The following SAFB variants were observed in gnomAD, a reference collection of about 807,000 sequenced individuals.
SAFB encodes the protein scaffold attachment factor B.
Under a neutral mutation model 101.6 loss-of-function variants are expected in SAFB, and 15 were observed. That is an observed-to-expected ratio of 0.15 (90% CI 0.10 to 0.23). The LOEUF (loss-of-function observed/expected upper bound fraction) is 0.23, where lower values mean the gene tolerates loss of function less well. Ranked by LOEUF, SAFB falls within the 10% of genes least tolerant of loss-of-function variation. The pLI is 1.00. For synonymous variants in SAFB, 449 were observed against 407.5 expected (o/e 1.10, Z -1.23); for missense variants, 930 against 1,104.1 (o/e 0.84, Z 2.23).
intron 14 of SAFB, among the ~76,000 whole-genome samples, chr19:5,659,439 T>C (rs1461059827): frequency 2.0e-5 from 3 of 151,762 alleles, no homozygotes; most frequent in African/African-American, 4.8e-5. Context: ...TGGAGTACAG[T>C]GGCACGATCT....
At chr19:5,642,480 A>C (rs952445314) in intron 4 of SAFB, among the ~76,000 whole-genome samples, 4 of 151,386 alleles carry the variant, frequency 2.6e-5, no homozygotes, top group South Asian at 2.1e-4. Flanking sequence ...AAAAAAAAAA[A>C]CACAGCCAGT....
intron 6 of SAFB, chr19:5,648,425 C>A: frequency 3.6e-6 from 1 of 281,404 alleles, no homozygotes; most frequent in East Asian, 9.1e-5. Flanking sequence ...TTAATTGAGG[C>A]AGCTCAGGTA....
chr19:5,663,979 G>T (rs2054273018), intron 15 of SAFB, 43 bp from the exon 16 acceptor site: 1 of 1,599,052 alleles, frequency 6.3e-7, no homozygotes, highest in Admixed American at 1.7e-5. Flanking sequence ...AGATACATTT[G>T]GGGTGGGGGA....
At chr19:5,662,456 T>C (rs1400206744) in intron 15 of SAFB, among the ~76,000 whole-genome samples, 1 of 150,576 alleles carries the variant, frequency 6.6e-6, no homozygotes, top group African/African-American at 2.4e-5. Context: ...ATCGTGCCAC[T>C]GCACTCCAGC....
chr19:5,643,309 A>G (rs1403111148), intron 4 of SAFB, among the ~76,000 whole-genome samples: 2 of 152,076 alleles, frequency 1.3e-5, no homozygotes, highest in African/African-American at 4.8e-5. Context: ...GTGCTTCTCA[A>G]GCAGTCTTGG....
At chr19:5,628,368 C>T (rs188900919) in intron 2 of SAFB, among the ~76,000 whole-genome samples, 6 of 152,204 alleles carry the variant, frequency 3.9e-5, no homozygotes, top group East Asian at 3.9e-4. Flanking sequence ...GGATTTTGTG[C>T]GGTATTTTCG....
chr19:5,667,326 C>A lies in SAFB; in HGVS notation c.2454-21C>A. The A allele has an allele frequency of 6.8e-7, 1 of 1,459,980 alleles. No homozygotes were observed. Among genetic ancestry groups the A allele is most frequent in the Non-Finnish European group, 9.1e-7 (1 of 1,098,074 alleles). The allele number at this position is 1,459,980 out of a possible 1,614,324, so 90.4% of individuals were successfully genotyped here. A position where few individuals can be genotyped will look rare whatever the true frequency, so the allele number is the denominator to read the frequency against. On this transcript the variant is annotated intron_variant, in intron 18 of 20. Transcript: ENST00000588852. This position sits in a 1 kb window ranked among gnomAD's most constrained non-coding sequence, Gnocchi z 4.0. Reference sequence around the variant, plus strand: ...AGCCAGAGATGGGGGCAATCCAAATCAGAGATGTCTCTCTTTCAAGGGGCA... The same window carrying A: ...AGCCAGAGATGGGGGCAATCCAAATAAGAGATGTCTCTCTTTCAAGGGGCA...
chr19:5,653,507 CCCAG>C, intron 11 of SAFB, 87 bp downstream of exon 11: 1 of 1,190,944 alleles, frequency 8.4e-7, no homozygotes, highest in Non-Finnish European at 1.2e-6. Flanking sequence ...CGCTCTGTCG[CCCAG>C]ACTGGAGTGC....
chr19:5,659,075 G>A (rs1207486670), intron 14 of SAFB, among the ~76,000 whole-genome samples: 1 of 151,924 alleles, frequency 6.6e-6, no homozygotes, highest in Admixed American at 6.6e-5. Flanking sequence ...CCAGGAGGTG[G>A]AGGTTGCAGT....
In SAFB at chr19:5,649,949, C is replaced by T. The variant is rs1252200446; in HGVS notation, c.1172C>T (p.Thr391Ile). 1 of 1,613,862 alleles carries T rather than the reference C, an allele frequency of 6.2e-7. No homozygotes were observed. Among genetic ancestry groups the T allele is most frequent in the African/African-American group, 1.3e-5 (1 of 74,894 alleles). ...AGTTCTCCCGAAGATGACTCGGATA[C>T]AAAAAGGCTTTCCAAAGAGGAAAAG... Reference protein sequence around the residue: ...KMSSPEDDSDTKRLSKEEKGR... With the variant: ...KMSSPEDDSDIKRLSKEEKGR... Residue 391 changes from threonine to isoleucine, a missense_variant, in exon 8 of 21, where the codon ACA becomes ATA. Coordinates refer to ENST00000588852, the MANE Select transcript of SAFB (RefSeq NM_001201338.2).
Position 5,633,899 on chromosome 19 carries a change from G to C in SAFB, c.274+7410G>C, listed in dbSNP as rs369448303. ...GAGCTACTGGGCTGATTGTACCTCA[G>C]GAAATTAAGTACTGTTAAAGCAATC... On this transcript the variant is annotated intron_variant, in intron 2 of 20. Transcript: ENST00000588852. 5.9e-5 allele frequency among the ~76,000 whole-genome samples: 9 copies of C among 152,230 alleles called. No homozygotes were observed. The East Asian group carries it at 1.7e-3, about 29-fold the overall frequency.
intron 5 of SAFB, among the ~76,000 whole-genome samples, chr19:5,647,345 G>T (rs2053847849): frequency 6.6e-6 from 1 of 152,230 alleles, no homozygotes; most frequent in African/African-American, 2.4e-5. Context: ...GAAGGCCACA[G>T]AGGGACATGA....
intron 15 of SAFB, among the ~76,000 whole-genome samples, chr19:5,663,270 G>A (rs534100686): frequency 6.6e-6 from 1 of 152,292 alleles, no homozygotes; most frequent in African/African-American, 2.4e-5. Context: ...CAAAGTGCTG[G>A]GATTACAGGC....
At chr19:5,626,682 A>G (rs930850484) in intron 2 of SAFB, among the ~76,000 whole-genome samples, 193 bp downstream of exon 2, 2 of 152,192 alleles carry the variant, frequency 1.3e-5, no homozygotes, top group African/African-American at 4.8e-5. Flanking sequence ...TGGGAATTCC[A>G]ATGGAGGATG....
At chr19:5,663,813 G>T (rs992431837) in intron 15 of SAFB, among the ~76,000 whole-genome samples, 2 of 152,164 alleles carry the variant, frequency 1.3e-5, no homozygotes, top group Non-Finnish European at 2.9e-5. Flanking sequence ...AACCGAGGCC[G>T]CTTTTCATCA....
chr19:5,640,669 A>C (rs1008636560), intron 2 of SAFB, among the ~76,000 whole-genome samples: 3 of 152,082 alleles, frequency 2.0e-5, no homozygotes, highest in Non-Finnish European at 4.4e-5. Context: ...AGCTCACTGC[A>C]ACCTAAACCT....
intron 2 of SAFB, among the ~76,000 whole-genome samples, chr19:5,627,351 C>G (rs766128415): frequency 1.3e-5 from 2 of 152,048 alleles, no homozygotes; most frequent in Non-Finnish European, 1.5e-5. Flanking sequence ...GCCTGTTTTC[C>G]TAGCTACTTG....
At chr19:5,656,669 C>CA (rs1444843303) in intron 13 of SAFB, among the ~76,000 whole-genome samples, 2 of 151,788 alleles carry the variant, frequency 1.3e-5, no homozygotes, top group Admixed American at 1.3e-4. Flanking sequence ...TACTGCCTCC[C>CA]AGGTTCAAGG....
At chr19:5,657,567 G>A (rs1222211612) in intron 14 of SAFB, among the ~76,000 whole-genome samples, 6 of 151,380 alleles carry the variant, frequency 4.0e-5, no homozygotes, top group East Asian at 1.9e-4. Context: ...TTGCTGTGTC[G>A]CGCCCAGGCT....
Sources: allele counts gnomAD v4.1 joint callset (sites outside exome capture counted in the v4.1 genomes callset), GRCh38; gene constraint gnomAD v4.1.1; non-coding constraint Gnocchi (gnomAD v3.1); transcripts MANE v1.5; gene names NCBI Gene and HGNC (gene_info 2026-07-23, HGNC 2026-07-21).